The following PPME1 variants were observed in gnomAD, a reference collection of about 807,000 sequenced individuals.
The protein encoded by PPME1 is testicular secretory protein Li 39.
PPME1 carries 17 observed loss-of-function variants against 56.9 expected under a neutral mutation model. The ratio of observed to expected loss-of-function variants is 0.30; its 90% CI spans 0.20 to 0.45. PPME1 has a LOEUF of 0.45. Among genes scored for constraint, PPME1 ranks in the 20% least tolerant of loss-of-function variants. PPME1 has a pLI of 1.00. For synonymous variants in PPME1, 122 were observed against 156.2 expected, an observed-to-expected ratio of 0.78 and a Z score of 1.63; for missense variants, 357 against 483.2, an observed-to-expected ratio of 0.74 and a Z score of 2.45.
intron 11 of PPME1, chr11:74,248,937 A>G (rs1859580834): frequency 6.6e-6 from 1 of 152,226 alleles, no homozygotes; most frequent in South Asian, 2.1e-4. Flanking sequence ...GGTATGAGTG[A>G]ATTCCTAACT....
intron 1 of PPME1, among the ~76,000 whole-genome samples, chr11:74,176,822 C>A (rs1857411556): frequency 6.6e-6 from 1 of 151,136 alleles, no homozygotes; most frequent in Non-Finnish European, 1.5e-5. Context: ...CCTCCACTTC[C>A]CGGGTTCAGG....
intron 1 of PPME1, among the ~76,000 whole-genome samples, chr11:74,199,350 C>G (rs1224362440): frequency 6.6e-6 from 1 of 152,214 alleles, no homozygotes; most frequent in Non-Finnish European, 1.5e-5. Context: ...AACTTCTTGA[C>G]AGCAGATGCA....
intron 1 of PPME1, among the ~76,000 whole-genome samples, chr11:74,184,662 A>G (rs1324052524): frequency 6.6e-6 from 1 of 152,172 alleles, no homozygotes; most frequent in Non-Finnish European, 1.5e-5. Context: ...TTATATTAAC[A>G]TGTGTTCCAC....
chr11:74,245,908 A>T, intron 9 of PPME1, 168 bp from the exon 10 acceptor site: 1 of 600,054 alleles, frequency 1.7e-6, no homozygotes, highest in Non-Finnish European at 2.7e-6. Flanking sequence ...AGTGACCCAT[A>T]CAACAAGACT....
intron 1 of PPME1, among the ~76,000 whole-genome samples, chr11:74,172,583 C>A (rs966102796): frequency 6.6e-6 from 1 of 152,108 alleles, no homozygotes; most frequent in Admixed American, 6.6e-5. Flanking sequence ...AATTTTAGAT[C>A]GTTAAATGGC....
rs961303140 is a variant in PPME1 at position 74,246,141 on chromosome 11, C to G, written c.900C>G (p.Gly300=). ...ELAKTEKYWD[G]WFRGLSNLFL... ...CAAAAACAGAAAAATACTGGGACGG[C>G]TGGTTCCGAGGCTTATCCAATCTCT... The change falls in exon 10 of 14, where the codon GGC becomes GGG. Residue 300 remains glycine (G), a synonymous_variant. Transcript: ENST00000328257. 1 of 1,556,706 alleles carries G rather than the reference C, an allele frequency of 6.4e-7. No homozygotes were observed. Among genetic ancestry groups the G allele is most frequent in the African/African-American group, 1.4e-5 (1 of 73,300 alleles).
chr11:74,181,233 A>G (rs1242848954), intron 1 of PPME1, among the ~76,000 whole-genome samples: 3 of 149,818 alleles, frequency 2.0e-5, no homozygotes, highest in Admixed American at 6.6e-5. Context: ...TATTTTTAGT[A>G]GAGACGGGGT....
At chr11:74,205,510 C>G (rs1858304652) in intron 3 of PPME1, 2 of 152,256 alleles carry the variant, frequency 1.3e-5, no homozygotes, top group South Asian at 4.1e-4. Context: ...GAATGCAGCA[C>G]TAGGTACCTG....
chr11:74,217,216 A>G (rs1451632956), intron 3 of PPME1, among the ~76,000 whole-genome samples: 1 of 152,126 alleles, frequency 6.6e-6, no homozygotes, highest in Non-Finnish European at 1.5e-5. Context: ...CATCAGCAAA[A>G]TACTAGCAAA....
At chr11:74,206,328 G>A (rs1310815204) in intron 3 of PPME1, among the ~76,000 whole-genome samples, 1 of 152,042 alleles carries the variant, frequency 6.6e-6, no homozygotes, top group African/African-American at 2.4e-5. Context: ...TCAGTTAAAT[G>A]TTTATTACTT....
intron 1 of PPME1, among the ~76,000 whole-genome samples, chr11:74,203,390 G>A (rs961132529): frequency 2.2e-4 from 33 of 152,056 alleles, no homozygotes; most frequent in Non-Finnish European, 4.1e-4. Context: ...CCAAGAGCAA[G>A]GTGAAAAACT....
Position 74,253,760 on chromosome 11 carries a change from G to A in PPME1, c.*250G>A, listed in dbSNP as rs1163811998. On this transcript the variant is annotated 3_prime_UTR_variant, in exon 14 of 14. Transcript: ENST00000328257. ...GCTCCTTTCCCTTCCCTGTACTGGG[G>A]TAGCTCCTGCCTGCTCTCCCTGCGT... 1.9e-5 allele frequency: 11 copies of A among 582,834 alleles called. 1 individual carries two copies. Among genetic ancestry groups the A allele is most frequent in the Admixed American group, 3.1e-5 (1 of 32,748 alleles). 36.1% of individuals were successfully genotyped at this position (582,834 alleles called of 1,614,324 possible).
At chr11:74,204,327 G>T (rs763641675) in intron 2 of PPME1, 26 bp from the exon 3 acceptor site, 2 of 1,547,316 alleles carry the variant, frequency 1.3e-6, no homozygotes, top group East Asian at 4.5e-5. Context: ...CAAAAACATA[G>T]ATGTTTTATC....
chr11:74,199,937 T>G (rs2135618075), intron 1 of PPME1, among the ~76,000 whole-genome samples: 1 of 152,242 alleles, frequency 6.6e-6, no homozygotes, highest in Admixed American at 6.5e-5. Context: ...GATTCAATTA[T>G]CTCCAACCAG....
Position 74,235,896 on chromosome 11 carries a change from C to A in PPME1, c.645-5C>A, listed in dbSNP as rs1450220107. 1.2e-6 allele frequency: 2 copies of A among 1,609,588 alleles called. No homozygotes were observed. Among genetic ancestry groups the A allele is most frequent in the Non-Finnish European group, 1.7e-6 (2 of 1,178,036 alleles). On this transcript the variant is annotated splice_region_variant and splice_polypyrimidine_tract_variant and intron_variant, in intron 7 of 13. Transcript: ENST00000328257. The stretch of plus-strand genomic sequence containing the variant: ...CCTTCTCTCTTCCTTTCTTTTCTTT[C>A]CCAGTGTGAAGAGTGGCCAGATTCG...
At chr11:74,172,239 GGA>G (rs1857269823) in intron 1 of PPME1, among the ~76,000 whole-genome samples, 1 of 152,156 alleles carries the variant, frequency 6.6e-6, no homozygotes, top group Non-Finnish European at 1.5e-5. Context: ...ACAGGATAAG[GGA>G]GAGAGAAGAA....
chr11:74,204,260 T>C, intron 2 of PPME1, 93 bp from the exon 3 acceptor site: 1 of 959,750 alleles, frequency 1.0e-6, no homozygotes, highest in Non-Finnish European at 1.6e-6. Context: ...GTCTGCAGTT[T>C]TGCATGTAAG....
chr11:74,253,662 C>T lies in PPME1; in HGVS notation c.*152C>T. 2.4e-6 allele frequency: 2 copies of T among 817,818 alleles called. No homozygotes were observed. Among genetic ancestry groups the T allele is most frequent in the Non-Finnish European group, 4.0e-6 (2 of 494,196 alleles). The allele number at this position is 817,818 out of a possible 1,614,324, so 50.7% of individuals were successfully genotyped here. On this transcript the variant is annotated 3_prime_UTR_variant, in exon 14 of 14. Coordinates refer to ENST00000328257, the MANE Select transcript of PPME1 (RefSeq NM_016147.3). ...GCACCCCGAGATGTACCAACCTTTTCATGTATTCTGCCAAAAGCATTGTTT... is the reference window on the plus strand; with the variant it reads ...GCACCCCGAGATGTACCAACCTTTTTATGTATTCTGCCAAAAGCATTGTTT...
chr11:74,185,650 CT>C (rs765518776), intron 1 of PPME1, among the ~76,000 whole-genome samples: 14,453 of 123,558 alleles, frequency 0.12, 1,718 homozygotes, highest in African/African-American at 0.33. Context: ...GTCATTATAT[CT>C]TTTTTTTTTT....
Sources: gnomAD v4.1 joint callset for allele counts (sites outside exome capture counted in the v4.1 genomes callset) on GRCh38, gnomAD v4.1.1 for gene constraint, MANE v1.5 for transcripts, NCBI Gene and HGNC (gene_info 2026-07-23, HGNC 2026-07-21) for gene names.